CSGALNACT1: variants seen among roughly 807,000 people sequenced by gnomAD.
The protein encoded by CSGALNACT1 is beta4GalNAcT-1.
CSGALNACT1 carries 52 observed loss-of-function variants against 51.0 expected under a neutral mutation model. The ratio of observed to expected loss-of-function variants is 1.02; its 90% CI spans 0.82 to 1.29. CSGALNACT1 has a LOEUF of 1.29. Ranked by LOEUF, CSGALNACT1 falls within the 50% of genes most tolerant of loss-of-function variation. CSGALNACT1 has a pLI of 0.00. For synonymous variants in CSGALNACT1, 341 were observed against 254.4 expected (o/e 1.34, Z -3.24); for missense variants, 935 against 679.2 (o/e 1.38, Z -4.19).
intron 3 of CSGALNACT1, among the ~76,000 whole-genome samples, chr8:19,509,554 A>T (rs895104804): frequency 5.5e-5 from 8 of 145,542 alleles, no homozygotes; most frequent in African/African-American, 2.0e-4. Context: ...CCCGGGAGGC[A>T]GAGGTTGCAA....
intron 1 of CSGALNACT1, among the ~76,000 whole-genome samples, chr8:19,674,516 A>C (rs2060027209): frequency 6.6e-6 from 1 of 152,168 alleles, no homozygotes; most frequent in South Asian, 2.1e-4. Flanking sequence ...GGGTGTTTAG[A>C]GCCAGAGGAG....
intron 1 of CSGALNACT1, among the ~76,000 whole-genome samples, chr8:19,707,442 G>A (rs1208262135): frequency 1.3e-5 from 2 of 152,120 alleles, no homozygotes; most frequent in African/African-American, 4.8e-5. Context: ...TTTATTTAAA[G>A]TCATTGATCA....
At chr8:19,513,436 C>CTCTCTCTCTCTATATATATA in intron 3 of CSGALNACT1, among the ~76,000 whole-genome samples, 61 of 81,946 alleles carry the variant, frequency 7.4e-4, no homozygotes, top group East Asian at 2.4e-3. Flanking sequence ...CTCTCTCTCT[C>CTCTCTCTCTCTATATATATA]TATATATATA....
intron 1 of CSGALNACT1, among the ~76,000 whole-genome samples, chr8:19,623,780 C>T (rs374063578): frequency 6.6e-6 from 1 of 152,200 alleles, no homozygotes; most frequent in Non-Finnish European, 1.5e-5. Flanking sequence ...TAAATCCTTT[C>T]GGAGGGGAAA....
chr8:19,600,512 A>C (rs527506683), intron 2 of CSGALNACT1, among the ~76,000 whole-genome samples: 1 of 152,344 alleles, frequency 6.6e-6, no homozygotes, highest in Admixed American at 6.5e-5. Context: ...CAAAAACATT[A>C]AACATCACAA....
Position 19,541,115 on chromosome 8 carries a change from T to G in CSGALNACT1, c.-296-34985A>C, listed in dbSNP as rs777699267. On this transcript the variant is annotated intron_variant, in intron 3 of 9. Coordinates refer to ENST00000454498, the Ensembl canonical transcript of CSGALNACT1. ...TTTTTTTTTTAATGGAGTCTTGCTG[T>G]GTCCCCCAGGCTAGAATGCAGTGGC... 2.3e-3 allele frequency among the ~76,000 whole-genome samples: 353 copies of G among 152,228 alleles called. 1 individual carries two copies. Among genetic ancestry groups the G allele is most frequent in the Non-Finnish European group, 2.3e-3 (154 of 68,016 alleles).
At chr8:19,535,290 C>T (rs1298844547) in intron 3 of CSGALNACT1, among the ~76,000 whole-genome samples, 1 of 152,142 alleles carries the variant, frequency 6.6e-6, no homozygotes, top group Non-Finnish European at 1.5e-5. Context: ...GTTCTTCTAG[C>T]ACCTCAAAGA....
intron 4 of CSGALNACT1, among the ~76,000 whole-genome samples, chr8:19,495,670 T>C (rs1288227611): frequency 6.6e-6 from 1 of 152,200 alleles, no homozygotes; most frequent in Non-Finnish European, 1.5e-5. Flanking sequence ...CAGAAGCTAC[T>C]GACTGGCAAA....
At position 19,755,456 on chromosome 8, in the gene CSGALNACT1, CAAAAAAAAAAAAA is replaced by C. The variant is rs71205945; in HGVS notation, c.-297+2381_-297+2393del. ...GGGGATCCCTAAATGTAAAGAAAGACAAAAAAAAAAAAAAAAAAAAAAAAAGACAACATTTATG... is the reference window on the plus strand; with the variant it reads ...GGGGATCCCTAAATGTAAAGAAAGACAAAAAAAAAAAAGACAACATTTATG... On this transcript the variant is annotated intron_variant, in intron 1 of 1. Transcript: ENST00000517494. Among the ~76,000 whole-genome samples the C allele has an allele frequency of 1.1e-4, 8 of 74,532 alleles. No homozygotes were observed. In the East Asian group the frequency reaches 3.5e-3, roughly 33 times the overall value. The allele number at this position is 74,532 out of a possible 152,430, so 48.9% of individuals were successfully genotyped here. A position where few individuals can be genotyped will look rare whatever the true frequency, so the allele number is the denominator to read the frequency against.
intron 4 of CSGALNACT1, among the ~76,000 whole-genome samples, chr8:19,498,047 C>T (rs965160430): frequency 7.2e-5 from 11 of 152,150 alleles, no homozygotes; most frequent in Non-Finnish European, 1.5e-4. Context: ...GTGCCCTGAC[C>T]ACCTTGGGCA....
intron 3 of CSGALNACT1, among the ~76,000 whole-genome samples, chr8:19,524,449 G>A (rs377751420): frequency 6.6e-6 from 1 of 151,928 alleles, no homozygotes; most frequent in Non-Finnish European, 1.5e-5. Flanking sequence ...TCTAGATTTT[G>A]TTTTTCTAGT....
At chr8:19,709,725 C>T (rs2062386841) in intron 1 of CSGALNACT1, among the ~76,000 whole-genome samples, 1 of 152,004 alleles carries the variant, frequency 6.6e-6, no homozygotes, top group African/African-American at 2.4e-5. Context: ...TTTGAGCCTG[C>T]CCCCCCGCCC....
intron 1 of CSGALNACT1, among the ~76,000 whole-genome samples, chr8:19,755,239 T>C (rs2154255046): frequency 6.6e-6 from 1 of 152,120 alleles, no homozygotes; most frequent in Non-Finnish European, 1.5e-5. Flanking sequence ...GAACTTAGGA[T>C]GGATTCTTAG....
chr8:19,505,703 T>G, exon 4 of CSGALNACT1: 4 of 1,614,164 alleles, frequency 2.5e-6, no homozygotes, highest in Non-Finnish European at 3.4e-6. Flanking sequence ...CCCTGGGCAG[T>G]GCCAGCTGCT....
At chr8:19,530,246 AC>A (rs1208734484) in intron 3 of CSGALNACT1, among the ~76,000 whole-genome samples, 10 of 151,526 alleles carry the variant, frequency 6.6e-5, no homozygotes, top group African/African-American at 2.4e-4. Context: ...ACAAAACAAA[AC>A]AAAACAAAAA....
intron 1 of CSGALNACT1, among the ~76,000 whole-genome samples, chr8:19,715,400 T>C (rs185850852): frequency 8.5e-5 from 13 of 152,320 alleles, no homozygotes; most frequent in Admixed American, 3.3e-4. Context: ...TGTTCCTGTG[T>C]TGGTTTACTT....
chr8:19,702,473 C>T (rs1235577207), intron 1 of CSGALNACT1, among the ~76,000 whole-genome samples: 1 of 152,110 alleles, frequency 6.6e-6, no homozygotes, highest in East Asian at 1.9e-4. Flanking sequence ...AATCACACCA[C>T]TGCACTCCAG....
upstream of CSGALNACT1, among the ~76,000 whole-genome samples, chr8:19,606,991 T>A (rs989016620): frequency 1.6e-4 from 25 of 151,832 alleles, no homozygotes; most frequent in Admixed American, 5.3e-4. Context: ...CTGTCTGTAC[T>A]AAAAATACAA....
intron 6 of CSGALNACT1, among the ~76,000 whole-genome samples, chr8:19,422,062 T>C (rs1239972687): frequency 2.0e-5 from 3 of 152,206 alleles, no homozygotes; most frequent in Admixed American, 2.0e-4. Context: ...TCTACCCCTT[T>C]TGTCTCTGTT....
Sources: allele counts gnomAD v4.1 joint callset (sites outside exome capture counted in the v4.1 genomes callset), GRCh38; gene constraint gnomAD v4.1.1; transcripts MANE v1.5; gene names NCBI Gene and HGNC (gene_info 2026-07-23, HGNC 2026-07-21).